Variants in TRERF1 observed in about 807,000 individuals in gnomAD.
TRERF1 encodes the protein transcriptional regulating factor 1.
TRERF1 carries 27 observed loss-of-function variants against 122.9 expected under a neutral mutation model. The observed-to-expected ratio is 0.22, with a 90% CI of 0.16 to 0.30. The LOEUF is 0.30. Ranked by LOEUF, TRERF1 falls within the 10% of genes least tolerant of loss-of-function variation. The pLI, the probability that TRERF1 is intolerant of heterozygous loss-of-function variation, is 1.00. For synonymous variants in TRERF1, 636 were observed against 641.7 expected, an observed-to-expected ratio of 0.99 and a Z score of 0.13; for missense variants, 1,248 against 1,560.3, an observed-to-expected ratio of 0.80 and a Z score of 3.37.
At chr6:42,317,894 C>T (rs1046270101) in intron 3 of TRERF1, among the ~76,000 whole-genome samples, 3 of 152,064 alleles carry the variant, frequency 2.0e-5, no homozygotes, top group Non-Finnish European at 2.9e-5. Flanking sequence ...TGGCTCACAC[C>T]TGTAATCCCA....
In TRERF1 at chr6:42,351,915, G is replaced by A. The variant is rs566768087; in HGVS notation, c.-371+11082C>T. 8.5e-5 allele frequency among the ~76,000 whole-genome samples: 13 copies of A among 152,294 alleles called. No individual in the cohort carries two copies. The East Asian group carries it at 1.5e-3, about 18-fold the overall frequency. ...GAATCACTCAGGGCAGGGCTCCACC[G>A]GTGGAGTGACCACCAGTCTGAAACA... On this transcript the variant is annotated intron_variant, in intron 3 of 17. Transcript: ENST00000372922.
intron 2 of TRERF1, among the ~76,000 whole-genome samples, chr6:42,422,685 C>A (rs1455561989): frequency 6.6e-6 from 1 of 152,008 alleles, no homozygotes; most frequent in African/African-American, 2.4e-5. Context: ...GCCCAATCCC[C>A]CTTCGCTCCA....
At chr6:42,337,758 C>T (rs191796560) in intron 3 of TRERF1, among the ~76,000 whole-genome samples, 20 of 152,262 alleles carry the variant, frequency 1.3e-4, no homozygotes, top group Admixed American at 1.2e-3. Flanking sequence ...GTGGGAAAGC[C>T]GCAGATCAAT....
intron 3 of TRERF1, among the ~76,000 whole-genome samples, chr6:42,305,633 G>C (rs1787071304): frequency 6.6e-6 from 1 of 152,100 alleles, no homozygotes; most frequent in African/African-American, 2.4e-5. Flanking sequence ...GGAAGGGAGG[G>C]ACACAGGATA....
At chr6:42,315,709 C>CCT (rs1762366722) in intron 3 of TRERF1, among the ~76,000 whole-genome samples, 1 of 147,472 alleles carries the variant, frequency 6.8e-6, no homozygotes, top group Non-Finnish European at 1.5e-5. Context: ...GAACACCACC[C>CCT]CCCCCCCCAC....
intron 14 of TRERF1, among the ~76,000 whole-genome samples, chr6:42,245,035 C>A (rs543956181): frequency 1.8e-4 from 28 of 152,360 alleles, no homozygotes; most frequent in African/African-American, 6.7e-4. Flanking sequence ...TCTCATCCCC[C>A]TGACACCTGG....
At chr6:42,302,095 A>G (rs1786311030) in intron 3 of TRERF1, among the ~76,000 whole-genome samples, 2 of 152,158 alleles carry the variant, frequency 1.3e-5, no homozygotes, top group South Asian at 4.1e-4. Flanking sequence ...AACCCTAACT[A>G]TGGCAACCCC....
At chr6:42,368,310 G>A (rs1307638361) in intron 2 of TRERF1, among the ~76,000 whole-genome samples, 1 of 152,236 alleles carries the variant, frequency 6.6e-6, no homozygotes, top group South Asian at 2.1e-4. Context: ...CCTCCTGAGT[G>A]GAGGGCCCAG....
intron 16 of TRERF1, among the ~76,000 whole-genome samples, chr6:42,233,423 C>CT (rs1299191902): frequency 6.6e-6 from 1 of 151,388 alleles, no homozygotes; most frequent in East Asian, 2.0e-4. Flanking sequence ...GTAGCTGGGA[C>CT]TACAGGCGCC....
intron 2 of TRERF1, among the ~76,000 whole-genome samples, chr6:42,397,099 T>C (rs181770289): frequency 5.5e-4 from 84 of 152,266 alleles, no homozygotes; most frequent in African/African-American, 1.9e-3. Flanking sequence ...GATTCTAAGA[T>C]TAACTGATCT....
At chr6:42,270,321 T>C (rs1044591039) in intron 4 of TRERF1, among the ~76,000 whole-genome samples, 1 of 152,254 alleles carries the variant, frequency 6.6e-6, no homozygotes, top group Non-Finnish European at 1.5e-5. Flanking sequence ...ACTCTCTTAC[T>C]TTCAAGCCAT....
chr6:42,403,794 A>G (rs1227981998), intron 2 of TRERF1, among the ~76,000 whole-genome samples: 1 of 152,120 alleles, frequency 6.6e-6, no homozygotes, highest in Non-Finnish European at 1.5e-5. Context: ...ACCGGAGCTT[A>G]TATCCTTCAA....
chr6:42,451,853 G>A (rs1208838734), intron 1 of TRERF1, among the ~76,000 whole-genome samples: 4 of 151,914 alleles, frequency 2.6e-5, no homozygotes, highest in Non-Finnish European at 2.9e-5. Flanking sequence ...CTGCGCGCGT[G>A]CATCCACCCT....
chr6:42,443,631 G>A (rs1255628815), intron 2 of TRERF1, among the ~76,000 whole-genome samples: 5 of 152,318 alleles, frequency 3.3e-5, no homozygotes, highest in Admixed American at 6.5e-5. Context: ...TGGGTGGGCA[G>A]GTCCCAGATT....
intron 2 of TRERF1, among the ~76,000 whole-genome samples, chr6:42,404,011 C>T (rs1483617697): frequency 6.6e-6 from 1 of 152,106 alleles, no homozygotes; most frequent in Admixed American, 6.5e-5. Flanking sequence ...TGGGGCACTC[C>T]GTGGGTGCCT....
intron 2 of TRERF1, among the ~76,000 whole-genome samples, chr6:42,436,624 C>G (rs1031194176): frequency 1.3e-5 from 2 of 151,618 alleles, no homozygotes; most frequent in African/African-American, 4.8e-5. Flanking sequence ...GGCAGTCTGA[C>G]TGCAGTGCTT....
intron 2 of TRERF1, among the ~76,000 whole-genome samples, chr6:42,379,918 G>C (rs1395869556): frequency 1.3e-5 from 2 of 152,184 alleles, no homozygotes; most frequent in African/African-American, 4.8e-5. Flanking sequence ...CGTTCCACAG[G>C]GAGGAGACAA....
intron 16 of TRERF1, among the ~76,000 whole-genome samples, chr6:42,234,319 G>A (rs567392499): frequency 1.3e-5 from 2 of 150,196 alleles, no homozygotes; most frequent in South Asian, 4.2e-4. Flanking sequence ...TATGATCTCT[G>A]TTTTTTTTGT....
intron 2 of TRERF1, among the ~76,000 whole-genome samples, chr6:42,423,283 T>G (rs1783073616): frequency 6.6e-6 from 1 of 152,214 alleles, no homozygotes; most frequent in Non-Finnish European, 1.5e-5. Flanking sequence ...TTCCACAAAT[T>G]AGGATGCCAT....
Sources: gnomAD v4.1 joint callset for allele counts (sites outside exome capture counted in the v4.1 genomes callset) on GRCh38, gnomAD v4.1.1 for gene constraint, MANE v1.5 for transcripts, NCBI Gene and HGNC (gene_info 2026-07-23, HGNC 2026-07-21) for gene names.